HERC1: variants seen among roughly 807,000 people sequenced by gnomAD.
HERC1 encodes the protein HECT and RLD domain containing E3 ubiquitin protein ligase family member 1, also known as probable E3 ubiquitin-protein ligase HERC1.
A neutral mutation model predicts 554.3 loss-of-function variants in HERC1; 160 were observed. That is an observed-to-expected ratio of 0.29 (90% confidence interval 0.25 to 0.33). The LOEUF (loss-of-function observed/expected upper bound fraction) is 0.33. Among genes scored for constraint, HERC1 ranks in the 10% least tolerant of loss-of-function variants. HERC1 has a pLI of 1.00. For missense variants in HERC1, 4,919 were observed against 5,918.5 expected (o/e 0.83, Z 5.54); for synonymous variants, 2,175 against 2,131.7 (o/e 1.02, Z -0.56).
chr15:63,812,054 C>A (rs2077339699), intron 1 of HERC1, among the ~76,000 whole-genome samples: 1 of 152,052 alleles, frequency 6.6e-6, no homozygotes, highest in South Asian at 2.1e-4. Flanking sequence ...AATTTAGAGC[C>A]AGATTTGTAA....
Position 63,810,224 on chromosome 15 carries a change from T to G in HERC1, c.-27+23603A>C, listed in dbSNP as rs542509499. 2.0e-5 allele frequency among the ~76,000 whole-genome samples: 3 copies of G among 152,294 alleles called. No homozygotes were observed. The South Asian group carries it at 6.2e-4, about 32-fold the overall frequency. ...CAAACAGATATTTGTACACCAATGTTAATAGGAGCATTATTCATAATAATC... is the reference window on the plus strand; with the variant it reads ...CAAACAGATATTTGTACACCAATGTGAATAGGAGCATTATTCATAATAATC... On this transcript the variant is annotated intron_variant, in intron 1 of 77. Coordinates refer to ENST00000443617, the MANE Select transcript of HERC1 (RefSeq NM_003922.4).
intron 52 of HERC1, among the ~76,000 whole-genome samples, chr15:63,651,796 G>T (rs578162104): frequency 2.0e-5 from 3 of 152,302 alleles, no homozygotes; most frequent in African/African-American, 7.2e-5. Flanking sequence ...CCCAGCATTT[G>T]GGAGGCTGGG....
chr15:63,625,949 G>A, intron 71 of HERC1, 36 bp downstream of exon 71: 3 of 1,584,090 alleles, frequency 1.9e-6, no homozygotes, highest in Non-Finnish European at 2.6e-6. Context: ...TACCAAGCCA[G>A]TCTGTGCCTG....
In HERC1 at chr15:63,752,994, C is replaced by CCCA. The variant is rs1320440619; in HGVS notation, c.1863_1865dup (p.Gly622dup). The CCCA allele has an allele frequency of 6.2e-7, 1 of 1,613,470 alleles. No individual in the cohort carries two copies. Among genetic ancestry groups the CCCA allele is most frequent in the Non-Finnish European group, 8.5e-7 (1 of 1,179,656 alleles). On this transcript the variant is annotated inframe_insertion, in exon 8 of 78. Coordinates refer to ENST00000443617, the MANE Select transcript of HERC1 (RefSeq NM_003922.4). ...ATGTCAAAGCAAGTGAAGACTGGCT[C>CCCA]CCAGCACAAACTTTGCGAATGAACA...
intron 39 of HERC1, 129 bp from the exon 40 acceptor site, chr15:63,669,827 G>T: frequency 2.8e-6 from 2 of 712,178 alleles, no homozygotes; most frequent in South Asian, 2.1e-5. Context: ...ATGGAGGGTG[G>T]GGAGAAAGAC....
Position 63,665,910 on chromosome 15 carries a change from G to C in HERC1, c.8555+9C>G. 1 of 1,600,354 alleles carries C rather than the reference G, an allele frequency of 6.2e-7. No homozygotes were observed. Among genetic ancestry groups the C allele is most frequent in the Non-Finnish European group, 8.6e-7 (1 of 1,168,752 alleles). On this transcript the variant is annotated intron_variant, in intron 42 of 77. Coordinates refer to ENST00000443617, the MANE Select transcript of HERC1 (RefSeq NM_003922.4). ...ACATGGAACAAAAGTACAGAAACTG[G>C]AATTTCACCTTTCACTAAAACCTTC...
rs560043979 is a variant in HERC1, at chr15:63,828,463, T to C, written c.-27+5364A>G. 3.3e-5 allele frequency among the ~76,000 whole-genome samples: 5 copies of C among 152,156 alleles called. No individual in the cohort carries two copies. In the South Asian group the frequency reaches 6.2e-4, roughly 19 times the overall value. On this transcript the variant is annotated intron_variant, in intron 1 of 77. Transcript: ENST00000443617. ...CAAGTGATTCTCCTGCCTCAGACTC[T>C]TGGGTAGCTGGGATTACAGGCAAGC...
intron 25 of HERC1, among the ~76,000 whole-genome samples, chr15:63,703,532 T>C (rs991181376): frequency 1.3e-5 from 2 of 152,050 alleles, no homozygotes; most frequent in Non-Finnish European, 2.9e-5. Context: ...TAAATGCAAA[T>C]GCTGTATGAG....
intron 2 of HERC1, among the ~76,000 whole-genome samples, chr15:63,769,041 T>C (rs1025611084): frequency 1.3e-5 from 2 of 152,196 alleles, no homozygotes; most frequent in African/African-American, 2.4e-5. Flanking sequence ...ATGACTGTTG[T>C]TAATTTCTCA....
chr15:63,727,875 T>G lies in HERC1; in HGVS notation c.3155-37A>C. On this transcript the variant is annotated intron_variant, in intron 16 of 77. Coordinates refer to ENST00000443617, the MANE Select transcript of HERC1 (RefSeq NM_003922.4). This position sits in a 1 kb window ranked among gnomAD's most constrained non-coding sequence, Gnocchi z 4.3. ...AAGAAATTAAACATGGGACAATTGCTTCAAATGAACTTTAAAAAAAGGAAC... is the reference window on the plus strand; with the variant it reads ...AAGAAATTAAACATGGGACAATTGCGTCAAATGAACTTTAAAAAAAGGAAC... 1.3e-6 allele frequency: 2 copies of G among 1,528,668 alleles called. No individual in the cohort carries two copies. Among genetic ancestry groups the G allele is most frequent in the Non-Finnish European group, 1.8e-6 (2 of 1,112,868 alleles). 94.7% of individuals were successfully genotyped at this position (1,528,668 alleles called of 1,614,324 possible). A position where few individuals can be genotyped will look rare whatever the true frequency, so the allele number is the denominator to read the frequency against.
chr15:63,790,371 G>A (rs2076605229), intron 1 of HERC1, among the ~76,000 whole-genome samples: 1 of 152,136 alleles, frequency 6.6e-6, no homozygotes, highest in African/African-American at 2.4e-5. Flanking sequence ...GAGGTCAGGA[G>A]ATCGAGACCA....
At chr15:63,744,156 G>GTCTCTCTCTCTCTCTC (rs2074954920) in intron 12 of HERC1, among the ~76,000 whole-genome samples, 1 of 41,382 alleles carries the variant, frequency 2.4e-5, no homozygotes, top group Non-Finnish European at 7.7e-5. Context: ...GTGTGTGTGT[G>GTCTCTCTCTCTCTCTC]TGTGTGTGTC....
At chr15:63,817,606 T>C (rs1238870809) in intron 1 of HERC1, among the ~76,000 whole-genome samples, 2 of 152,088 alleles carry the variant, frequency 1.3e-5, no homozygotes, top group Admixed American at 1.3e-4. Flanking sequence ...TCCCAGCTAC[T>C]TGGGAGGCTG....
rs1286118625 is a variant in HERC1, at chr15:63,752,726, T to G, written c.1902+232A>C. 5 of 380,740 alleles carry G rather than the reference T, an allele frequency of 1.3e-5. No individual in the cohort carries two copies. In the East Asian group the frequency reaches 2.1e-4, roughly 16 times the overall value. 23.6% of individuals were successfully genotyped at this position (380,740 alleles called of 1,614,324 possible). A position where few individuals can be genotyped will look rare whatever the true frequency, so the allele number is the denominator to read the frequency against. ...TGCTAAAACATTTTAGAAAGTCAGTTTAATACAAAGAACAGAGGCTCCACT... is the reference window on the plus strand; with the variant it reads ...TGCTAAAACATTTTAGAAAGTCAGTGTAATACAAAGAACAGAGGCTCCACT... On this transcript the variant is annotated intron_variant, in intron 8 of 77. Coordinates refer to ENST00000443617, the MANE Select transcript of HERC1 (RefSeq NM_003922.4).
chr15:63,806,270 A>C (rs750376232), intron 1 of HERC1, among the ~76,000 whole-genome samples: 1 of 151,544 alleles, frequency 6.6e-6, no homozygotes, highest in Non-Finnish European at 1.5e-5. Flanking sequence ...TCAAGCTCCT[A>C]GGCTGAAGCA....
intron 1 of HERC1, among the ~76,000 whole-genome samples, chr15:63,799,229 A>T (rs1267513111): frequency 6.6e-6 from 1 of 152,222 alleles, no homozygotes; most frequent in Non-Finnish European, 1.5e-5. Context: ...GGCCAGGCAC[A>T]GTGGCTCACG....
At position 63,651,247 on chromosome 15, in the gene HERC1, T is replaced by C. The variant is rs2069661681; in HGVS notation, c.10546+6A>G. Reference sequence around the variant, plus strand: ...AGCAGTTTACTAGTGTTTACATGACTCTTACCATTAACTTGCCAGATATTC... The same window carrying C: ...AGCAGTTTACTAGTGTTTACATGACCCTTACCATTAACTTGCCAGATATTC... On this transcript the variant is annotated splice_donor_region_variant and intron_variant, in intron 53 of 77. Coordinates refer to ENST00000443617, the MANE Select transcript of HERC1 (RefSeq NM_003922.4). 1.2e-6 allele frequency: 2 copies of C among 1,613,546 alleles called. No homozygotes were observed. Among genetic ancestry groups the C allele is most frequent in the Admixed American group, 1.7e-5 (1 of 59,998 alleles).
chr15:63,632,071 T>G (rs1033252716), intron 68 of HERC1, among the ~76,000 whole-genome samples: 1 of 152,184 alleles, frequency 6.6e-6, no homozygotes, highest in Admixed American at 6.5e-5. Flanking sequence ...TTCCACACAT[T>G]TATTTAGGGC....
chr15:63,634,962 TA>T (rs1293099860), intron 65 of HERC1, 74 bp from the exon 66 acceptor site: 1 of 1,077,208 alleles, frequency 9.3e-7, no homozygotes, highest in Non-Finnish European at 1.4e-6. Flanking sequence ...CCATTTTTGG[TA>T]TTAATATAGC....
Sources: gnomAD v4.1 joint callset for allele counts (sites outside exome capture counted in the v4.1 genomes callset) on GRCh38, gnomAD v4.1.1 for gene constraint, Gnocchi (gnomAD v3.1) non-coding constraint, MANE v1.5 for transcripts, NCBI Gene and HGNC (gene_info 2026-07-23, HGNC 2026-07-21) for gene names.